Variants in CNTNAP2 observed in about 807,000 individuals in gnomAD.
CNTNAP2 encodes contactin-associated protein-like 2.
A neutral mutation model predicts 155.2 loss-of-function variants in CNTNAP2; 98 were observed. That is an observed-to-expected ratio of 0.63 (90% CI 0.54 to 0.75). CNTNAP2 has a LOEUF of 0.75. Ranked by LOEUF, CNTNAP2 falls within the 30% of genes least tolerant of loss-of-function variation. The pLI is 0.00. For missense variants in CNTNAP2, 1,727 were observed against 1,688.1 expected (o/e 1.02, Z -0.40); for synonymous variants, 651 against 631.2 (o/e 1.03, Z -0.47).
At chr7:146,655,949 G>A (rs943847961) in intron 1 of CNTNAP2, among the ~76,000 whole-genome samples, 5 of 152,160 alleles carry the variant, frequency 3.3e-5, no homozygotes, top group Non-Finnish European at 7.3e-5. Context: ...AAAAAAATGG[G>A]ATAGGTTTTG....
intron 16 of CNTNAP2, among the ~76,000 whole-genome samples, chr7:148,123,104 C>G (rs1453492926): frequency 6.6e-6 from 1 of 152,094 alleles, no homozygotes; most frequent in African/African-American, 2.4e-5. Flanking sequence ...GTGGACACAT[C>G]TAGAGGATGC....
intron 1 of CNTNAP2, among the ~76,000 whole-genome samples, chr7:146,200,623 C>A (rs1323788301): frequency 6.6e-6 from 1 of 152,042 alleles, no homozygotes; most frequent in Non-Finnish European, 1.5e-5. Context: ...TGTTACAATT[C>A]TCTACAGTAT....
intron 13 of CNTNAP2, among the ~76,000 whole-genome samples, chr7:147,823,354 A>G (rs1030294129): frequency 6.6e-6 from 1 of 151,728 alleles, no homozygotes; most frequent in Non-Finnish European, 1.5e-5. Flanking sequence ...ATTTCTTGTC[A>G]CTCCCTAGGG....
At chr7:146,877,754 A>G (rs1486462921) in intron 3 of CNTNAP2, among the ~76,000 whole-genome samples, 1 of 151,930 alleles carries the variant, frequency 6.6e-6, no homozygotes, top group Non-Finnish European at 1.5e-5. Context: ...GAATGAAGCA[A>G]GATTATTTGA....
At chr7:146,434,966 A>G (rs909919370) in intron 1 of CNTNAP2, among the ~76,000 whole-genome samples, 4 of 152,142 alleles carry the variant, frequency 2.6e-5, no homozygotes, top group Non-Finnish European at 5.9e-5. Flanking sequence ...AGAAACTTCA[A>G]TGCAAACTTT....
chr7:146,956,704 C>T (rs1428742216), intron 3 of CNTNAP2, among the ~76,000 whole-genome samples: 6 of 152,118 alleles, frequency 3.9e-5, no homozygotes, highest in African/African-American at 1.4e-4. Flanking sequence ...CCCTTGAAAA[C>T]TGAAGAAGTA....
At chr7:146,439,175 T>C (rs1048515771) in intron 1 of CNTNAP2, among the ~76,000 whole-genome samples, 2 of 151,570 alleles carry the variant, frequency 1.3e-5, no homozygotes, top group Admixed American at 1.3e-4. Context: ...AAGGGGACTA[T>C]GTATCCCTTC....
chr7:147,326,100 A>AT (rs781411038), intron 9 of CNTNAP2, among the ~76,000 whole-genome samples: 1 of 152,042 alleles, frequency 6.6e-6, no homozygotes, highest in African/African-American at 2.4e-5. Flanking sequence ...TTGCTTTTGT[A>AT]TTTTTAGTAG....
chr7:147,446,342 C>T (rs1360465520), intron 10 of CNTNAP2, among the ~76,000 whole-genome samples: 1 of 151,974 alleles, frequency 6.6e-6, no homozygotes, highest in Non-Finnish European at 1.5e-5. Context: ...TGAAATGAAT[C>T]GAAATGAAAT....
chr7:148,417,867 T>C lies in CNTNAP2; in HGVS notation c.*2251T>C, dbSNP rs927092071. On this transcript the variant is annotated 3_prime_UTR_variant, in exon 24 of 24. Transcript: ENST00000361727. ...AGCCACCCAAAACAGCTTCTGCTAC[T>C]AAAATGTTCTCATCCTTTCTCCTCC... 6.6e-6 allele frequency: 1 copy of C among 152,238 alleles called. No individual in the cohort carries two copies. Among genetic ancestry groups the C allele is most frequent in the Non-Finnish European group, 1.5e-5 (1 of 68,048 alleles). The allele number at this position is 152,238 out of a possible 1,614,324, so 9.4% of individuals were successfully genotyped here.
In CNTNAP2 at chr7:146,630,681, A is replaced by G. The variant is rs74805535; in HGVS notation, c.98-143590A>G. 3.0e-3 allele frequency among the ~76,000 whole-genome samples: 451 copies of G among 151,910 alleles called. 2 individuals carry two copies. The highest frequency in any genetic ancestry group is 0.011 in the African/African-American group (442 of 41,514). ...TTTAATAATTGCCATTCTGACTGGCATGAGATCGTATCTCACTGTGGTATT... is the reference window on the plus strand; with the variant it reads ...TTTAATAATTGCCATTCTGACTGGCGTGAGATCGTATCTCACTGTGGTATT... On this transcript the variant is annotated intron_variant, in intron 1 of 23. Coordinates refer to ENST00000361727, the MANE Select transcript of CNTNAP2 (RefSeq NM_014141.6).
At chr7:146,826,876 A>AGAGG (rs1554485890) in intron 2 of CNTNAP2, among the ~76,000 whole-genome samples, 244 of 151,250 alleles carry the variant, frequency 1.6e-3, no homozygotes, top group African/African-American at 5.6e-3. Flanking sequence ...AGAGAGAGAG[A>AGAGG]GAGACTTGAG....
At chr7:146,191,333 AG>A (rs1351572501) in intron 1 of CNTNAP2, among the ~76,000 whole-genome samples, 1 of 152,176 alleles carries the variant, frequency 6.6e-6, no homozygotes, top group African/African-American at 2.4e-5. Context: ...GTGTACGAAT[AG>A]GGTGTGGGTC....
At chr7:147,021,700 A>T (rs1798819697) in intron 3 of CNTNAP2, among the ~76,000 whole-genome samples, 2 of 152,186 alleles carry the variant, frequency 1.3e-5, no homozygotes, top group African/African-American at 4.8e-5. Flanking sequence ...TTACACAAAT[A>T]TTCAACAAAC....
chr7:147,578,321 G>A (rs1162389601), intron 12 of CNTNAP2, among the ~76,000 whole-genome samples: 1 of 152,128 alleles, frequency 6.6e-6, no homozygotes, highest in Non-Finnish European at 1.5e-5. Context: ...GCCTTGGGCA[G>A]AACTCTTATG....
chr7:148,366,212 G>A (rs1227826001), intron 21 of CNTNAP2, among the ~76,000 whole-genome samples: 1 of 149,196 alleles, frequency 6.7e-6, no homozygotes, highest in African/African-American at 2.5e-5. Flanking sequence ...AGGTGTACAT[G>A]TGTATGCATG....
At chr7:146,919,245 G>C (rs775808210) in intron 3 of CNTNAP2, among the ~76,000 whole-genome samples, 6 of 152,132 alleles carry the variant, frequency 3.9e-5, no homozygotes, top group Non-Finnish European at 7.3e-5. Context: ...TCGTTTGAGG[G>C]TGTTAAAGAA....
intron 2 of CNTNAP2, among the ~76,000 whole-genome samples, chr7:146,815,541 C>A (rs943811540): frequency 6.6e-6 from 1 of 152,020 alleles, no homozygotes; most frequent in African/African-American, 2.4e-5. Flanking sequence ...TTCATAGACA[C>A]ATACACATAT....
chr7:146,865,507 G>T (rs1280992121), intron 3 of CNTNAP2, among the ~76,000 whole-genome samples: 2 of 152,042 alleles, frequency 1.3e-5, no homozygotes. Context: ...TATATATGGA[G>T]AATTAAATTT....
Sources: allele counts gnomAD v4.1 joint callset (sites outside exome capture counted in the v4.1 genomes callset), GRCh38; gene constraint gnomAD v4.1.1; transcripts MANE v1.5; gene names NCBI Gene and HGNC (gene_info 2026-07-23, HGNC 2026-07-21).